Variants in RUNX2 observed in about 807,000 individuals in gnomAD.
RUNX2 encodes the protein RUNX family transcription factor 2.
In RUNX2, 10 loss-of-function variants were observed where a neutral mutation model predicts 51.7. The ratio of observed to expected loss-of-function variants is 0.19; its 90% CI spans 0.12 to 0.33. The LOEUF (loss-of-function observed/expected upper bound fraction) is 0.33, where lower values mean the gene tolerates loss of function less well. Ranked by LOEUF, RUNX2 falls within the 10% of genes least tolerant of loss-of-function variation. The pLI, the probability that RUNX2 is intolerant of heterozygous loss-of-function variation, is 1.00. For synonymous variants in RUNX2, 276 were observed against 273.6 expected (o/e 1.01, Z -0.09); for missense variants, 562 against 691.3 (o/e 0.81, Z 2.10).
At chr6:45,502,006 C>T (rs572244419) in intron 6 of RUNX2, among the ~76,000 whole-genome samples, 1 of 152,202 alleles carries the variant, frequency 6.6e-6, no homozygotes, top group Admixed American at 6.5e-5. Flanking sequence ...AGTAATTTAA[C>T]AGCTGTCATG....
At chr6:45,370,197 T>C (rs1346716969) in intron 2 of RUNX2, among the ~76,000 whole-genome samples, 1 of 152,078 alleles carries the variant, frequency 6.6e-6, no homozygotes. Context: ...TGACAGTGGG[T>C]TGAATTAGTT....
chr6:45,516,684 C>G (rs1459073294), intron 7 of RUNX2, among the ~76,000 whole-genome samples: 1 of 152,174 alleles, frequency 6.6e-6, no homozygotes. Context: ...ACAAGGCAAG[C>G]CTTATATGAC....
intron 7 of RUNX2, among the ~76,000 whole-genome samples, chr6:45,540,099 A>G (rs1481720289): frequency 6.6e-6 from 1 of 152,162 alleles, no homozygotes; most frequent in Non-Finnish European, 1.5e-5. Flanking sequence ...GAGTGTCCTG[A>G]GTATATAATC....
In RUNX2 at chr6:45,422,913, C is replaced by A. The variant is rs1371950698; in HGVS notation, c.379C>A (p.Pro127Thr). 6.2e-7 allele frequency: 1 copy of A among 1,612,764 alleles called. No homozygotes were observed. Among genetic ancestry groups the A allele is most frequent in the Admixed American group, 1.7e-5 (1 of 60,012 alleles). The change falls in exon 3 of 9, where the codon CCC becomes ACC. Residue 127 changes from proline (P) to threonine (T), a missense_variant. Transcript: ENST00000647337. Reference sequence around the variant, plus strand: ...CCCCAACTTCCTGTGCTCGGTGCTGCCCTCGCACTGGCGCTGCAACAAGAC... The same window carrying A: ...CCCCAACTTCCTGTGCTCGGTGCTGACCTCGCACTGGCGCTGCAACAAGAC... ...DSPNFLCSVL[P>T]SHWRCNKTLP...
At chr6:45,458,302 C>T (rs959168839) in intron 5 of RUNX2, among the ~76,000 whole-genome samples, 1 of 152,192 alleles carries the variant, frequency 6.6e-6, no homozygotes, top group African/African-American at 2.4e-5. Flanking sequence ...GCTGGGATTA[C>T]AGGCATGAGC....
intron 2 of RUNX2, among the ~76,000 whole-genome samples, chr6:45,373,062 C>A (rs967808859): frequency 1.3e-4 from 20 of 152,124 alleles, no homozygotes; most frequent in Non-Finnish European, 2.4e-4. Context: ...CTGCCTCGGC[C>A]TCCCAAAGTG....
chr6:45,412,104 T>C (rs554464350), intron 2 of RUNX2, among the ~76,000 whole-genome samples: 2 of 151,718 alleles, frequency 1.3e-5, no homozygotes, highest in Non-Finnish European at 2.9e-5. Flanking sequence ...TCCCAGCACT[T>C]TGAGAGGCCA....
intron 6 of RUNX2, among the ~76,000 whole-genome samples, chr6:45,501,231 A>G (rs1417266870): frequency 6.6e-6 from 1 of 152,312 alleles, no homozygotes; most frequent in South Asian, 2.1e-4. Flanking sequence ...TTCTGTTAAT[A>G]TATCCCAAGT....
intron 2 of RUNX2, among the ~76,000 whole-genome samples, chr6:45,367,662 A>G (rs1204586684): frequency 6.6e-6 from 1 of 152,188 alleles, no homozygotes; most frequent in African/African-American, 2.4e-5. Flanking sequence ...TAGTAACCCC[A>G]GCCTCCAGAA....
chr6:45,352,859 A>G (rs1007508453), intron 2 of RUNX2, among the ~76,000 whole-genome samples: 5 of 152,236 alleles, frequency 3.3e-5, no homozygotes, highest in South Asian at 2.1e-4. Context: ...GCAGTTTTAT[A>G]TATCTATAAA....
In RUNX2 at chr6:45,393,076, A is replaced by G. The variant is rs183800381; in HGVS notation, c.59-29517A>G. ...TTTCCTAGGGTTTCTATCTGTTTAC[A>G]TTACCCATTTGCTCTCACATGGCAT... On this transcript the variant is annotated intron_variant, in intron 2 of 8. Transcript: ENST00000647337. 2.1e-3 allele frequency among the ~76,000 whole-genome samples: 325 copies of G among 152,252 alleles called. 2 individuals carry two copies. Among genetic ancestry groups the G allele is most frequent in the African/African-American group, 7.2e-3 (301 of 41,556 alleles).
At chr6:45,453,578 A>G (rs187136419) in intron 5 of RUNX2, among the ~76,000 whole-genome samples, 30 of 152,372 alleles carry the variant, frequency 2.0e-4, no homozygotes, top group African/African-American at 6.7e-4. Context: ...GTACTGTGAT[A>G]GAGACAGAGT....
At chr6:45,351,146 C>T (rs550093479) in intron 2 of RUNX2, among the ~76,000 whole-genome samples, 2 of 152,200 alleles carry the variant, frequency 1.3e-5, no homozygotes, top group South Asian at 2.1e-4. Context: ...TCCCTGCTGC[C>T]AAAATGGTTG....
At chr6:45,426,704 A>G (rs963929125) in intron 3 of RUNX2, among the ~76,000 whole-genome samples, 1 of 152,368 alleles carries the variant, frequency 6.6e-6, no homozygotes, top group Admixed American at 6.5e-5. Context: ...ACACATTTTT[A>G]GATATATAAG....
intron 2 of RUNX2, among the ~76,000 whole-genome samples, chr6:45,336,149 A>G (rs1225689828): frequency 1.3e-5 from 2 of 151,246 alleles, no homozygotes; most frequent in Non-Finnish European, 3.0e-5. Context: ...AAACACATAT[A>G]CATTATTTCT....
chr6:45,520,284 C>G (rs984277230), intron 7 of RUNX2, among the ~76,000 whole-genome samples: 1 of 152,164 alleles, frequency 6.6e-6, no homozygotes, highest in Non-Finnish European at 1.5e-5. Context: ...AGCATGTTTT[C>G]TATCATAGCA....
At chr6:45,462,765 G>A (rs937668637) in intron 5 of RUNX2, among the ~76,000 whole-genome samples, 1 of 152,218 alleles carries the variant, frequency 6.6e-6, no homozygotes, top group Non-Finnish European at 1.5e-5. Flanking sequence ...AAAGTAAACA[G>A]TTCCCTTTCA....
rs1298048535 is a variant in RUNX2 at position 45,549,222 on chromosome 6, G to T, written c.*1917G>T. ...CTGCTCTCCTCCCCGAAAAGTCAGG[G>T]TCCCTTCATTGGAATCCTCCACCCA... On this transcript the variant is annotated 3_prime_UTR_variant, in exon 9 of 9. Coordinates refer to ENST00000647337, the MANE Select transcript of RUNX2 (RefSeq NM_001024630.4). The T allele has an allele frequency of 1.7e-4, 67 of 398,378 alleles. No individual in the cohort carries two copies. In the East Asian group the frequency reaches 2.4e-3, roughly 14 times the overall value. The allele number at this position is 398,378 out of a possible 1,614,324, so 24.7% of individuals were successfully genotyped here.
intron 3 of RUNX2, among the ~76,000 whole-genome samples, chr6:45,424,349 G>GCTGTCCACACTCGCAGGA (rs955996186): frequency 6.6e-6 from 1 of 152,202 alleles, no homozygotes; most frequent in Non-Finnish European, 1.5e-5. Flanking sequence ...GGGTTCCCAG[G>GCTGTCCACACTCGCAGGA]CTGTCCACAC....
Sources: allele counts gnomAD v4.1 joint callset (sites outside exome capture counted in the v4.1 genomes callset), GRCh38; gene constraint gnomAD v4.1.1; transcripts MANE v1.5; gene names NCBI Gene and HGNC (gene_info 2026-07-23, HGNC 2026-07-21).